The following FBN2 variants were observed in gnomAD, a reference collection of about 807,000 sequenced individuals.
The protein encoded by FBN2 is fibrillin-2.
A neutral mutation model predicts 355.6 loss-of-function variants in FBN2; 105 were observed. That is an observed-to-expected ratio of 0.30 (90% CI 0.25 to 0.35). The LOEUF (loss-of-function observed/expected upper bound fraction) is 0.35, where lower values mean the gene tolerates loss of function less well. Ranked by LOEUF, FBN2 falls within the 10% of genes least tolerant of loss-of-function variation. FBN2 has a pLI of 1.00. For missense variants in FBN2, 3,280 were observed against 3,758.7 expected (o/e 0.87, Z 3.33); for synonymous variants, 1,350 against 1,301.2 (o/e 1.04, Z -0.81).
intron 8 of FBN2, among the ~76,000 whole-genome samples, chr5:128,403,762 GGA>G (rs1182857521): frequency 6.6e-6 from 1 of 151,104 alleles, no homozygotes; most frequent in African/African-American, 2.4e-5. Flanking sequence ...GTTCTTTCCT[GGA>G]TATATAAAAA....
At chr5:128,505,529 A>G (rs1755932297) in intron 5 of FBN2, among the ~76,000 whole-genome samples, 1 of 152,204 alleles carries the variant, frequency 6.6e-6, no homozygotes, top group Non-Finnish European at 1.5e-5. Flanking sequence ...GTATGGTTTT[A>G]TACATGTATA....
At chr5:128,372,596 A>C (rs1581247933) in intron 15 of FBN2, among the ~76,000 whole-genome samples, 1 of 152,066 alleles carries the variant, frequency 6.6e-6, no homozygotes, top group African/African-American at 2.4e-5. Flanking sequence ...GGCTCAGGCA[A>C]TCCTCCTGCC....
chr5:128,485,354 A>G (rs191376312), intron 5 of FBN2, among the ~76,000 whole-genome samples: 38 of 152,318 alleles, frequency 2.5e-4, no homozygotes, highest in Non-Finnish European at 5.1e-4. Flanking sequence ...AGATATTCAT[A>G]GTAGTATTTT....
chr5:128,499,418 C>T (rs887027782), intron 5 of FBN2, among the ~76,000 whole-genome samples: 1 of 152,118 alleles, frequency 6.6e-6, no homozygotes, highest in Non-Finnish European at 1.5e-5. Flanking sequence ...AGCACAATTA[C>T]TTCGCGGGCT....
At position 128,312,982 on chromosome 5, in the gene FBN2, T is replaced by G. The variant is rs548367786; in HGVS notation, c.4718-187A>C. Among the ~76,000 whole-genome samples, 229 of 152,328 alleles carry G rather than the reference T, an allele frequency of 1.5e-3. 2 individuals are homozygous for G. The Middle Eastern group carries it at 0.017, about 11-fold the overall frequency. On this transcript the variant is annotated intron_variant, in intron 36 of 64. Coordinates refer to ENST00000262464, the MANE Select transcript of FBN2 (RefSeq NM_001999.4). Reference sequence around the variant, plus strand: ...TCGAGATTGAGTCAGAGGAAGCCAATCATGGCAGACTTTCCTATATTTAGA... The same window carrying G: ...TCGAGATTGAGTCAGAGGAAGCCAAGCATGGCAGACTTTCCTATATTTAGA...
chr5:128,484,891 C>T (rs965122487), intron 5 of FBN2, among the ~76,000 whole-genome samples: 13 of 152,288 alleles, frequency 8.5e-5, no homozygotes, highest in Middle Eastern at 3.4e-3. Flanking sequence ...AGTGACAATA[C>T]GATCACACCC....
intron 7 of FBN2, among the ~76,000 whole-genome samples, chr5:128,434,407 T>C (rs1397035969): frequency 1.9e-5 from 2 of 106,274 alleles, no homozygotes; most frequent in Admixed American, 1.7e-4. Flanking sequence ...TATATATATA[T>C]ATATATATAT....
chr5:128,324,613 C>A (rs1473684815), intron 34 of FBN2, among the ~76,000 whole-genome samples: 3 of 144,224 alleles, frequency 2.1e-5, no homozygotes, highest in Non-Finnish European at 4.5e-5. Context: ...AGTTTGTTTT[C>A]TTTTTCTTTT....
intron 7 of FBN2, among the ~76,000 whole-genome samples, chr5:128,424,899 T>A (rs779707968): frequency 1.1e-4 from 16 of 152,206 alleles, no homozygotes; most frequent in Non-Finnish European, 1.8e-4. Context: ...TAAAAGTTAC[T>A]GATAACATAG....
chr5:128,354,852 C>T (rs777606728), intron 20 of FBN2, among the ~76,000 whole-genome samples: 1 of 152,130 alleles, frequency 6.6e-6, no homozygotes, highest in African/African-American at 2.4e-5. Context: ...TATCGATGAG[C>T]CATCCAAGTG....
intron 59 of FBN2, among the ~76,000 whole-genome samples, chr5:128,275,196 C>A (rs991063941): frequency 6.6e-6 from 1 of 151,992 alleles, no homozygotes; most frequent in African/African-American, 2.4e-5. Context: ...GATATTTGGA[C>A]CCTACTAATT....
chr5:128,305,792 C>A (rs1259191047), intron 43 of FBN2, 31 bp downstream of exon 43: 1 of 1,612,816 alleles, frequency 6.2e-7, no homozygotes, highest in Non-Finnish European at 8.5e-7. Context: ...CCAAATTATA[C>A]TGGATAAAGG....
At chr5:128,345,186 C>T (rs1291454867) in intron 24 of FBN2, among the ~76,000 whole-genome samples, 171 bp downstream of exon 24, 2 of 152,132 alleles carry the variant, frequency 1.3e-5, no homozygotes, top group African/African-American at 4.8e-5. Context: ...TACTTCAATG[C>T]CATCTTATAG....
At chr5:128,514,038 G>C (rs1045452875) in intron 5 of FBN2, among the ~76,000 whole-genome samples, 1 of 152,180 alleles carries the variant, frequency 6.6e-6, no homozygotes, top group East Asian at 1.9e-4. Flanking sequence ...GTGTGTGTGT[G>C]TGTGTGTGCC....
At position 128,318,999 on chromosome 5, in the gene FBN2, T is replaced by C. The variant is rs775167440; in HGVS notation, c.4474A>G (p.Ile1492Val). ...ATGTTTTGGAAGGAGCATTCATCAA[T>C]ATCTGAAGATTTTAAAAAAAAGTAA... ...PASDSRSCQD[I>V]DECSFQNICV... The change falls in exon 35 of 65, where the codon ATT (isoleucine) becomes GTT (valine). Residue 1492 changes from isoleucine to valine, a missense_variant and splice_region_variant. By Grantham distance (29) the Ile-to-Val change is conservative. Coordinates refer to ENST00000262464, the MANE Select transcript of FBN2 (RefSeq NM_001999.4). The C allele has an allele frequency of 1.2e-6, 2 of 1,605,546 alleles. No individual in the cohort carries two copies. The highest frequency in any genetic ancestry group is 1.1e-5 in the South Asian group (1 of 90,820).
At chr5:128,292,929 A>G (rs1346516920) in intron 48 of FBN2, among the ~76,000 whole-genome samples, 3 of 152,158 alleles carry the variant, frequency 2.0e-5, no homozygotes, top group Admixed American at 2.0e-4. Flanking sequence ...TGTCTGTCAC[A>G]TTGTATTATA....
intron 8 of FBN2, among the ~76,000 whole-genome samples, chr5:128,405,684 C>T (rs1752907776): frequency 6.6e-6 from 1 of 151,914 alleles, no homozygotes; most frequent in Non-Finnish European, 1.5e-5. Flanking sequence ...GAATAAAACG[C>T]TGAAACTTGT....
At chr5:128,497,628 C>G (rs566377249) in intron 5 of FBN2, among the ~76,000 whole-genome samples, 3 of 152,272 alleles carry the variant, frequency 2.0e-5, no homozygotes, top group African/African-American at 7.2e-5. Flanking sequence ...TGACAAATTT[C>G]TGGCAATAAA....
At chr5:128,525,919 C>G (rs1897999) in intron 4 of FBN2, among the ~76,000 whole-genome samples, 65 of 152,062 alleles carry the variant, frequency 4.3e-4, no homozygotes, top group African/African-American at 1.5e-3. Context: ...CTCTTTCATT[C>G]ACATATTATC....
Sources: gnomAD v4.1 joint callset for allele counts (sites outside exome capture counted in the v4.1 genomes callset) on GRCh38, gnomAD v4.1.1 for gene constraint, MANE v1.5 for transcripts, NCBI Gene and HGNC (gene_info 2026-07-23, HGNC 2026-07-21) for gene names.